Variants in PKM observed in about 807,000 individuals in gnomAD.
The protein encoded by PKM is pyruvate kinase M1/2, also known as pyruvate kinase PKM.
PKM carries 18 observed loss-of-function variants against 49.8 expected under a neutral mutation model. That is an observed-to-expected ratio of 0.36 (90% CI 0.25 to 0.54). The LOEUF is 0.54. Ranked by LOEUF, PKM falls within the 20% of genes least tolerant of loss-of-function variation. PKM has a pLI of 0.89. For missense variants in PKM, 508 were observed against 713.8 expected (o/e 0.71, Z 3.28); for synonymous variants, 239 against 261.8 (o/e 0.91, Z 0.84).
At chr15:72,228,754 C>G in intron 1 of PKM, 1 of 521,298 alleles carries the variant, frequency 1.9e-6, no homozygotes, top group South Asian at 1.7e-5. Flanking sequence ...GCTAACAACG[C>G]TGCAGCAGGG....
intron 1 of PKM, among the ~76,000 whole-genome samples, chr15:72,224,366 G>A (rs936754685): frequency 2.0e-5 from 3 of 152,124 alleles, no homozygotes; most frequent in Non-Finnish European, 4.4e-5. Context: ...GTGAGGCACT[G>A]GCTCAACATT....
At chr15:72,209,148 C>T (rs74559581) in intron 5 of PKM, among the ~76,000 whole-genome samples, 3 of 152,022 alleles carry the variant, frequency 2.0e-5, no homozygotes, top group Admixed American at 2.0e-4. Flanking sequence ...AGGCAGATCA[C>T]CTGAGGTCAG....
rs188326232 is a variant in PKM at position 72,201,102 on chromosome 15, C to A, written c.1308-447G>T. The A allele has an allele frequency of 9.3e-4, 151 of 162,110 alleles. 1 individual carries two copies. Among genetic ancestry groups the A allele is most frequent in the African/African-American group, 3.3e-3 (140 of 41,870 alleles). The allele number at this position is 162,110 out of a possible 1,614,324, so 10.0% of individuals were successfully genotyped here. ...ACATCTGCAAGGAGCAGTAGCAGAG[C>A]TGACCAGCCCCCTGGGAATCAACAT... On this transcript the variant is annotated intron_variant, in intron 9 of 10. Transcript: ENST00000335181.
rs1481273414 is a variant in PKM, at chr15:72,200,711, A to G, written c.1308-56T>C. 1 of 1,483,336 alleles carries G rather than the reference A, an allele frequency of 6.7e-7. No homozygotes were observed. The highest frequency in any genetic ancestry group is 9.3e-7 in the Non-Finnish European group (1 of 1,075,360). The allele number at this position is 1,483,336 out of a possible 1,614,324, so 91.9% of individuals were successfully genotyped here. A position where few individuals can be genotyped will look rare whatever the true frequency, so the allele number is the denominator to read the frequency against. ...ACCATTACACGAGGCCCCAGGAAGT[A>G]CCCTCAGGGCGTTCAAACAGCTCAC... On this transcript the variant is annotated intron_variant, in intron 9 of 10. Transcript: ENST00000335181. This position sits in a 1 kb window ranked among gnomAD's most constrained non-coding sequence, Gnocchi z 4.6.
intron 2 of PKM, among the ~76,000 whole-genome samples, 189 bp from the exon 3 acceptor site, chr15:72,217,689 C>T (rs908212160): frequency 1.6e-4 from 25 of 152,176 alleles, no homozygotes; most frequent in African/African-American, 5.3e-4. Context: ...TGGGACACTT[C>T]GACCATTTCC....
chr15:72,223,964 A>C (rs1343032857), intron 1 of PKM, among the ~76,000 whole-genome samples: 1 of 152,108 alleles, frequency 6.6e-6, no homozygotes, highest in Non-Finnish European at 1.5e-5. Context: ...TCGGGGCTGA[A>C]AGTAAATGAC....
At chr15:72,217,086 G>A (rs1390407046) in intron 3 of PKM, among the ~76,000 whole-genome samples, 2 of 152,238 alleles carry the variant, frequency 1.3e-5, no homozygotes, top group Admixed American at 6.5e-5. Context: ...GTCAAGCGCT[G>A]TGGCCAGGAC....
chr15:72,204,580 C>G (rs1196523106), intron 8 of PKM: 1 of 152,234 alleles, frequency 6.6e-6, no homozygotes, highest in East Asian at 1.9e-4. Context: ...GCTTTATTGG[C>G]CATATAACCC....
chr15:72,222,250 G>C (rs886198939), intron 1 of PKM, among the ~76,000 whole-genome samples: 1 of 152,188 alleles, frequency 6.6e-6, no homozygotes, highest in Non-Finnish European at 1.5e-5. Context: ...TTGCTTGTCA[G>C]CAAGTTCATC....
chr15:72,228,790 G>C (rs2082760346), intron 1 of PKM: 1 of 369,588 alleles, frequency 2.7e-6, no homozygotes, highest in Admixed American at 3.7e-5. Flanking sequence ...TCTCCTCTGT[G>C]ACCTAGGGAG....
intron 1 of PKM, among the ~76,000 whole-genome samples, chr15:72,227,029 C>A (rs2082690306): frequency 1.3e-5 from 2 of 152,222 alleles, no homozygotes; most frequent in South Asian, 2.1e-4. Context: ...CTCACCCAGG[C>A]TCACCTTCCC....
intron 3 of PKM, among the ~76,000 whole-genome samples, chr15:72,212,538 G>A (rs751314426): frequency 6.6e-6 from 1 of 152,026 alleles, no homozygotes; most frequent in African/African-American, 2.4e-5. Flanking sequence ...GATAGGTGGT[G>A]CCTTTCCTTC....
intron 8 of PKM, chr15:72,203,339 A>G (rs1017300667): frequency 5.1e-5 from 35 of 690,214 alleles, no homozygotes; most frequent in Non-Finnish European, 7.9e-5. Flanking sequence ...GCAGATGCAG[A>G]GGTAGGGTGA....
chr15:72,202,342 G>T lies in PKM; in HGVS notation c.1307+112C>A, dbSNP rs905420969. Reference sequence around the variant, plus strand: ...CAGGCCCAAGGTGGCAGGCAGAGGGGTCTTACCTTGGCTCAGTGCCACCTG... The same window carrying T: ...CAGGCCCAAGGTGGCAGGCAGAGGGTTCTTACCTTGGCTCAGTGCCACCTG... On this transcript the variant is annotated intron_variant, in intron 9 of 10. Coordinates refer to ENST00000335181, the MANE Select transcript of PKM (RefSeq NM_002654.6). The surrounding 1 kb of genome is among the most constrained non-coding windows in gnomAD (Gnocchi z 4.5). The T allele has an allele frequency of 9.8e-6, 11 of 1,127,754 alleles. No homozygotes were observed. Among genetic ancestry groups the T allele is most frequent in the Non-Finnish European group, 1.4e-5 (11 of 768,384 alleles). 69.9% of individuals were successfully genotyped at this position (1,127,754 alleles called of 1,614,324 possible).
chr15:72,218,850 C>G, intron 2 of PKM, 94 bp downstream of exon 2: 1 of 1,297,962 alleles, frequency 7.7e-7, no homozygotes, highest in Non-Finnish European at 1.1e-6. Context: ...CCATGTAGCA[C>G]CTAGGTTTGT....
At chr15:72,210,201 T>A in intron 4 of PKM, 146 bp downstream of exon 4, 1 of 851,120 alleles carries the variant, frequency 1.2e-6, no homozygotes, top group South Asian at 1.6e-5. Flanking sequence ...TTTACAGTGA[T>A]GAATAAATCC....
intron 1 of PKM, among the ~76,000 whole-genome samples, chr15:72,230,579 G>A (rs1008621519): frequency 6.6e-6 from 1 of 152,140 alleles, no homozygotes; most frequent in African/African-American, 2.4e-5. Flanking sequence ...GCGCGGGAAG[G>A]GCGGTCGCGC....
At chr15:72,208,552 C>A in intron 6 of PKM, 69 bp downstream of exon 6, 1 of 1,524,996 alleles carries the variant, frequency 6.6e-7, no homozygotes, top group Non-Finnish European at 9.1e-7. Flanking sequence ...GGGAATCAGA[C>A]ATTCACAGGA....
At chr15:72,216,859 A>G (rs902482961) in intron 3 of PKM, among the ~76,000 whole-genome samples, 9 of 152,172 alleles carry the variant, frequency 5.9e-5, no homozygotes, top group Non-Finnish European at 2.9e-5. Flanking sequence ...AATGTACCAG[A>G]ACCCCTGGGA....
Sources: allele counts gnomAD v4.1 joint callset (sites outside exome capture counted in the v4.1 genomes callset), GRCh38; gene constraint gnomAD v4.1.1; non-coding constraint Gnocchi (gnomAD v3.1); transcripts MANE v1.5; gene names NCBI Gene and HGNC (gene_info 2026-07-23, HGNC 2026-07-21).